The following KIF5C variants were observed in gnomAD, a reference collection of about 807,000 sequenced individuals.
The protein encoded by KIF5C is kinesin family member 5C.
A neutral mutation model predicts 125.2 loss-of-function variants in KIF5C; 18 were observed. The ratio of observed to expected loss-of-function variants is 0.14; its 90% CI spans 0.10 to 0.21. KIF5C has a LOEUF of 0.21. Ranked by LOEUF, KIF5C falls within the 10% of genes least tolerant of loss-of-function variation. KIF5C has a pLI of 1.00. For missense variants in KIF5C, 780 were observed against 1,183.8 expected (o/e 0.66, Z 5.01); for synonymous variants, 405 against 434.0 (o/e 0.93, Z 0.83).
intron 17 of KIF5C, among the ~76,000 whole-genome samples, chr2:148,995,727 A>G (rs1681650072): frequency 6.6e-6 from 1 of 152,248 alleles, no homozygotes; most frequent in African/African-American, 2.4e-5. Flanking sequence ...AATAGTTAAT[A>G]CACTATGGCG....
intron 2 of KIF5C, among the ~76,000 whole-genome samples, chr2:148,923,119 C>T (rs1681856636): frequency 6.6e-6 from 1 of 152,170 alleles, no homozygotes; most frequent in African/African-American, 2.4e-5. Context: ...CTTGATGCTG[C>T]CCCCTGTATA....
At chr2:148,966,425 A>G (rs1294068885) in intron 11 of KIF5C, among the ~76,000 whole-genome samples, 1 of 152,032 alleles carries the variant, frequency 6.6e-6, no homozygotes, top group African/African-American at 2.4e-5. Context: ...TAACAATACA[A>G]AGGAGTAGGA....
At chr2:148,950,652 T>A (rs748683979) in intron 10 of KIF5C, among the ~76,000 whole-genome samples, 190 bp downstream of exon 10, 1 of 152,066 alleles carries the variant, frequency 6.6e-6, no homozygotes, top group Non-Finnish European at 1.5e-5. Flanking sequence ...CTACTAAAAA[T>A]ACAAAAATTA....
At chr2:149,000,572 A>G in intron 20 of KIF5C, 48 bp downstream of exon 20, 1 of 1,552,796 alleles carries the variant, frequency 6.4e-7, no homozygotes, top group Non-Finnish European at 8.7e-7. Context: ...TCCCCATGAT[A>G]TTCTGGTTAG....
At chr2:148,921,024 C>T (rs950281915) in intron 1 of KIF5C, among the ~76,000 whole-genome samples, 1 of 152,102 alleles carries the variant, frequency 6.6e-6, no homozygotes, top group Non-Finnish European at 1.5e-5. Flanking sequence ...CCTGCCTGGG[C>T]GGTGGTGGTA....
intron 18 of KIF5C, 37 bp downstream of exon 18, chr2:148,997,377 C>CA (rs1329957888): frequency 6.2e-7 from 1 of 1,613,252 alleles, no homozygotes. Context: ...GCCCAGTGTG[C>CA]ATTTGATGCA....
intron 22 of KIF5C, among the ~76,000 whole-genome samples, chr2:149,007,074 T>C (rs1286166451): frequency 1.3e-5 from 2 of 152,126 alleles, no homozygotes; most frequent in Admixed American, 1.3e-4. Context: ...GATATGCAAA[T>C]TCTCATACCC....
At chr2:148,945,155 AT>A (rs1459523338) in intron 7 of KIF5C, among the ~76,000 whole-genome samples, 1 of 151,996 alleles carries the variant, frequency 6.6e-6, no homozygotes, top group Non-Finnish European at 1.5e-5. Flanking sequence ...TGAAGTGTCT[AT>A]TTTTATTTTG....
chr2:148,987,028 A>T (rs1032451107), intron 15 of KIF5C, among the ~76,000 whole-genome samples: 2 of 152,132 alleles, frequency 1.3e-5, no homozygotes, highest in Non-Finnish European at 2.9e-5. Context: ...GGAGAGCTTT[A>T]TTTTTCATAA....
At chr2:148,960,669 A>G (rs1682904361) in intron 10 of KIF5C, among the ~76,000 whole-genome samples, 1 of 152,226 alleles carries the variant, frequency 6.6e-6, no homozygotes, top group Non-Finnish European at 1.5e-5. Flanking sequence ...TGCTTTAGCA[A>G]TGAATTTTTG....
intron 1 of KIF5C, among the ~76,000 whole-genome samples, chr2:148,897,918 C>CAA (rs55762538): frequency 1.5e-4 from 3 of 20,452 alleles, no homozygotes; most frequent in African/African-American, 6.9e-4. Flanking sequence ...GACTCAGTCT[C>CAA]AAAAAAAAAA....
At chr2:149,003,685 G>C (rs1681920634) in intron 21 of KIF5C, among the ~76,000 whole-genome samples, 1 of 152,192 alleles carries the variant, frequency 6.6e-6, no homozygotes, top group South Asian at 2.1e-4. Flanking sequence ...ATAAATAAAA[G>C]GGACAAGTGA....
intron 11 of KIF5C, among the ~76,000 whole-genome samples, chr2:148,969,361 G>A (rs1680835259): frequency 6.6e-6 from 1 of 151,378 alleles, no homozygotes; most frequent in African/African-American, 2.4e-5. Context: ...AGTCCTTAAA[G>A]GTAATTACAT....
intron 13 of KIF5C, among the ~76,000 whole-genome samples, chr2:148,979,918 C>T (rs1681184994): frequency 6.6e-6 from 1 of 152,230 alleles, no homozygotes; most frequent in Non-Finnish European, 1.5e-5. Context: ...AGCCAGCCAA[C>T]TTATCAAACA....
intron 12 of KIF5C, 93 bp downstream of exon 12, chr2:148,973,604 C>A: frequency 6.9e-7 from 1 of 1,442,438 alleles, no homozygotes; most frequent in Non-Finnish European, 9.1e-7. Flanking sequence ...GGGCTACAGC[C>A]CGATCTTTGT....
chr2:148,948,905 C>T (rs1574778094), intron 8 of KIF5C, among the ~76,000 whole-genome samples: 1 of 152,226 alleles, frequency 6.6e-6, no homozygotes, highest in East Asian at 1.9e-4. Context: ...AGGGGTACCA[C>T]ACAAACAAGT....
At chr2:148,950,596 G>A in intron 10 of KIF5C, 134 bp downstream of exon 10, 2 of 1,307,492 alleles carry the variant, frequency 1.5e-6, no homozygotes, top group Non-Finnish European at 2.0e-6. Context: ...ATTGCCTGAG[G>A]TCAGGAGTTT....
At chr2:148,918,720 G>A (rs1033022046) in intron 1 of KIF5C, among the ~76,000 whole-genome samples, 2 of 152,206 alleles carry the variant, frequency 1.3e-5, no homozygotes, top group Admixed American at 1.3e-4. Flanking sequence ...GCAGCTGAGG[G>A]CAAAGAGGGT....
At chr2:148,954,527 G>T (rs1042196123) in intron 10 of KIF5C, among the ~76,000 whole-genome samples, 2 of 152,206 alleles carry the variant, frequency 1.3e-5, no homozygotes, top group African/African-American at 4.8e-5. Context: ...TGGTAATAAA[G>T]GGAAAGAGGC....
Sources: gnomAD v4.1 joint callset for allele counts (sites outside exome capture counted in the v4.1 genomes callset) on GRCh38, gnomAD v4.1.1 for gene constraint, MANE v1.5 for transcripts, NCBI Gene and HGNC (gene_info 2026-07-23, HGNC 2026-07-21) for gene names.